The following SCFD2 variants were observed in gnomAD, a reference collection of about 807,000 sequenced individuals.
SCFD2 encodes the protein sec1 family domain-containing protein 2.
A neutral mutation model predicts 58.9 loss-of-function variants in SCFD2; 54 were observed. The ratio of observed to expected loss-of-function variants is 0.92; its 90% CI spans 0.74 to 1.15. The LOEUF (loss-of-function observed/expected upper bound fraction) is 1.15. SCFD2 is among the 50% of genes most tolerant of loss of function. SCFD2 has a pLI of 0.00. For missense variants in SCFD2, 805 were observed against 836.6 expected (o/e 0.96, Z 0.47); for synonymous variants, 321 against 335.9 (o/e 0.96, Z 0.49).
chr4:52,990,251 T>G (rs976425208), intron 5 of SCFD2, among the ~76,000 whole-genome samples: 5 of 152,250 alleles, frequency 3.3e-5, no homozygotes, highest in African/African-American at 4.8e-5. Flanking sequence ...AAAACATGTT[T>G]CTAATGAGAC....
chr4:52,940,786 T>TC (rs1281195251), intron 5 of SCFD2, among the ~76,000 whole-genome samples: 3 of 152,134 alleles, frequency 2.0e-5, no homozygotes, highest in African/African-American at 7.2e-5. Flanking sequence ...CACAAACTGA[T>TC]AGAAAGTGCG....
At chr4:53,257,788 GT>G (rs917373660) in intron 4 of SCFD2, among the ~76,000 whole-genome samples, 7 of 147,570 alleles carry the variant, frequency 4.7e-5, no homozygotes, top group African/African-American at 7.5e-5. Flanking sequence ...TGATATCATA[GT>G]TTTTTTTAGA....
At chr4:53,330,484 C>T (rs973277058) in intron 2 of SCFD2, among the ~76,000 whole-genome samples, 8 of 152,122 alleles carry the variant, frequency 5.3e-5, no homozygotes, top group Admixed American at 3.3e-4. Flanking sequence ...AATTTCACAT[C>T]CAGCCAAACT....
intron 4 of SCFD2, among the ~76,000 whole-genome samples, chr4:53,160,194 T>C (rs2148926324): frequency 6.6e-6 from 1 of 152,322 alleles, no homozygotes; most frequent in Non-Finnish European, 1.5e-5. Context: ...GCCGGCCCAT[T>C]GTTAGAACTT....
At chr4:53,007,305 G>GGAGAGGGAGAGAGAGA (rs1553913999) in intron 5 of SCFD2, among the ~76,000 whole-genome samples, 35 of 66,078 alleles carry the variant, frequency 5.3e-4, no homozygotes, top group Non-Finnish European at 8.4e-4. Flanking sequence ...AGAGGGAGAG[G>GGAGAGGGAGAGAGAGA]GAGAGAGAGA....
At position 53,275,098 on chromosome 4, in the gene SCFD2, A is replaced by T. The variant is rs148209423; in HGVS notation, c.1136-1097T>A. The stretch of plus-strand genomic sequence containing the variant: ...ACACCCTTTACTGATTCTCATGGCA[A>T]CTCCTTGAGGTAGAAAACGAGGCTT... On this transcript the variant is annotated intron_variant, in intron 3 of 8. Coordinates refer to ENST00000401642, the MANE Select transcript of SCFD2 (RefSeq NM_152540.4). 1.6e-4 allele frequency among the ~76,000 whole-genome samples: 25 copies of T among 152,202 alleles called. No homozygotes were observed. The East Asian group carries it at 4.8e-3, about 29-fold the overall frequency.
chr4:53,313,762 C>T lies in SCFD2; in HGVS notation c.1009G>A (p.Asp337Asn). ...VAPGCLSQSS[D>N]TTAKALWEAL... The stretch of plus-strand genomic sequence containing the variant: ...TCCCATAGGGCTTTGGCTGTGGTGT[C>T]ACTGCAGGAAAATCACAAAAAGAGC... Residue 337 changes from aspartate (D) to asparagine (N), a missense_variant and splice_region_variant, in exon 3 of 9, where the codon GAC (aspartate) becomes AAC (asparagine). Physicochemically the swap from Asp to Asn is conservative, Grantham distance 23 (BLOSUM62 1). Coordinates refer to ENST00000401642, the MANE Select transcript of SCFD2 (RefSeq NM_152540.4). The T allele has an allele frequency of 1.2e-6, 2 of 1,613,812 alleles. No homozygotes were observed. The highest frequency in any genetic ancestry group is 1.7e-6 in the Non-Finnish European group (2 of 1,179,850).
chr4:53,245,674 A>G (rs1352929331), intron 4 of SCFD2, among the ~76,000 whole-genome samples: 2 of 152,184 alleles, frequency 1.3e-5, no homozygotes, highest in Admixed American at 6.5e-5. Context: ...TATACCTCAT[A>G]CAAACTAGGT....
At chr4:53,300,253 G>A (rs867353664) in intron 3 of SCFD2, among the ~76,000 whole-genome samples, 2 of 151,920 alleles carry the variant, frequency 1.3e-5, no homozygotes, top group Admixed American at 6.6e-5. Context: ...GATGGAGGAA[G>A]ATCTACCAAG....
intron 7 of SCFD2, among the ~76,000 whole-genome samples, chr4:52,896,433 C>T (rs1452254200): frequency 6.6e-6 from 1 of 152,184 alleles, no homozygotes; most frequent in Non-Finnish European, 1.5e-5. Context: ...TTCCCCATTG[C>T]TTGTTTTTGT....
chr4:53,354,697 A>G (rs1734350092), intron 1 of SCFD2, among the ~76,000 whole-genome samples: 1 of 152,080 alleles, frequency 6.6e-6, no homozygotes, highest in South Asian at 2.1e-4. Context: ...TAAATAAATA[A>G]CCTGTATCTA....
At chr4:53,317,835 A>T (rs186737760) in intron 2 of SCFD2, among the ~76,000 whole-genome samples, 8 of 152,336 alleles carry the variant, frequency 5.3e-5, no homozygotes, top group Admixed American at 5.2e-4. Flanking sequence ...GTACATATTC[A>T]GTAAGCTGTT....
chr4:53,045,973 T>C (rs1236631848), intron 5 of SCFD2, among the ~76,000 whole-genome samples: 1 of 152,094 alleles, frequency 6.6e-6, no homozygotes, highest in Non-Finnish European at 1.5e-5. Context: ...ATCAGTTTGC[T>C]AACCATCCCA....
At chr4:53,297,767 T>C (rs1176715848) in intron 3 of SCFD2, among the ~76,000 whole-genome samples, 1 of 152,238 alleles carries the variant, frequency 6.6e-6, no homozygotes, top group African/African-American at 2.4e-5. Flanking sequence ...CTTTACAATG[T>C]GGCATGTTTT....
intron 5 of SCFD2, among the ~76,000 whole-genome samples, chr4:53,123,811 C>T (rs1436486087): frequency 1.3e-5 from 2 of 152,232 alleles, no homozygotes; most frequent in Non-Finnish European, 2.9e-5. Context: ...CAGTTCCACA[C>T]AGATCTTCAG....
At chr4:53,215,927 G>C (rs1023106141) in intron 4 of SCFD2, among the ~76,000 whole-genome samples, 1 of 152,142 alleles carries the variant, frequency 6.6e-6, no homozygotes, top group Non-Finnish European at 1.5e-5. Context: ...CTTTGGTTCT[G>C]TTTATATGCT....
At chr4:53,323,530 ATTTTTTT>A (rs1201482656) in intron 2 of SCFD2, among the ~76,000 whole-genome samples, 51 of 106,762 alleles carry the variant, frequency 4.8e-4, no homozygotes, top group South Asian at 7.7e-4. Flanking sequence ...TGCCCAGCTA[ATTTTTTT>A]TTTTTTTTTT....
chr4:52,874,819 G>T (rs1438044774), intron 8 of SCFD2, among the ~76,000 whole-genome samples: 1 of 152,196 alleles, frequency 6.6e-6, no homozygotes, highest in Non-Finnish European at 1.5e-5. Context: ...CATCTGCAAA[G>T]ATCCTATTTC....
chr4:52,988,071 C>A (rs1721538333), intron 5 of SCFD2, among the ~76,000 whole-genome samples: 1 of 152,176 alleles, frequency 6.6e-6, no homozygotes, highest in South Asian at 2.1e-4. Context: ...TCTAACCTTG[C>A]AGAGGTCAGA....
Sources: allele counts gnomAD v4.1 joint callset (sites outside exome capture counted in the v4.1 genomes callset), GRCh38; gene constraint gnomAD v4.1.1; transcripts MANE v1.5; gene names NCBI Gene and HGNC (gene_info 2026-07-23, HGNC 2026-07-21).